SPG11: variants seen among roughly 807,000 people sequenced by gnomAD.
The protein encoded by SPG11 is SPG11 vesicle trafficking associated, spatacsin.
Under a neutral mutation model 274.0 loss-of-function variants are expected in SPG11, and 222 were observed. That is an observed-to-expected ratio of 0.81 (90% CI 0.73 to 0.91). The LOEUF (loss-of-function observed/expected upper bound fraction) is 0.91. Ranked by LOEUF, SPG11 falls within the 40% of genes least tolerant of loss-of-function variation. The pLI, the probability that SPG11 is intolerant of heterozygous loss-of-function variation, is 0.00. For synonymous variants in SPG11, 1,144 were observed against 1,039.7 expected (o/e 1.10, Z -1.93); for missense variants, 3,114 against 2,872.7 (o/e 1.08, Z -1.92).
chr15:44,662,072 C>G (rs1221575225), intron 1 of SPG11, among the ~76,000 whole-genome samples: 4 of 152,176 alleles, frequency 2.6e-5, no homozygotes, highest in Admixed American at 2.6e-4. Flanking sequence ...CCCCATTCCT[C>G]TCTTTACAGA....
At chr15:44,577,823 G>A (rs1378465672) in intron 30 of SPG11, among the ~76,000 whole-genome samples, 1 of 152,088 alleles carries the variant, frequency 6.6e-6, no homozygotes, top group Non-Finnish European at 1.5e-5. Flanking sequence ...TAAGAACTAA[G>A]GGCTGAGGTG....
chr15:44,599,259 A>G (rs1041863691), intron 21 of SPG11, among the ~76,000 whole-genome samples: 1 of 152,204 alleles, frequency 6.6e-6, no homozygotes, highest in Admixed American at 6.5e-5. Flanking sequence ...TTATAGGAAT[A>G]GAAAATTTGG....
intron 30 of SPG11, among the ~76,000 whole-genome samples, chr15:44,579,665 G>A (rs527412737): frequency 1.6e-4 from 24 of 151,716 alleles, no homozygotes; most frequent in African/African-American, 5.8e-4. Context: ...TAATACAAAT[G>A]TTCCAATAAG....
intron 39 of SPG11, 145 bp downstream of exon 39, chr15:44,564,401 TC>T (rs2082267927): frequency 1.3e-6 from 1 of 752,930 alleles, no homozygotes; most frequent in Non-Finnish European, 2.2e-6. Context: ...TTAAAAGACT[TC>T]CTTCTAAGGA....
At position 44,663,383 on chromosome 15, in the gene SPG11, G is replaced by A. The variant is rs769518000; in HGVS notation, c.257+8C>T. ...CCCCCAACGGCCCAACTCTCCCTCA[G>A]CACTTACTGCCAGAAGGGGCCCTCC... On this transcript the variant is annotated splice_region_variant and intron_variant, in intron 1 of 39. Transcript: ENST00000261866. 6 of 1,605,926 alleles carry A rather than the reference G, an allele frequency of 3.7e-6. No individual in the cohort carries two copies. Among genetic ancestry groups the A allele is most frequent in the Non-Finnish European group, 4.2e-6 (5 of 1,176,942 alleles).
Position 44,609,491 on chromosome 15 carries a change from G to A in SPG11, c.3292-886C>T, listed in dbSNP as rs1047067978. On this transcript the variant is annotated intron_variant, in intron 18 of 39. Transcript: ENST00000261866. ...CTCTACTTCTAAAAAGCAAAGATGG[G>A]CACATTTCCACTAGGTCCCTCAATA... Among the ~76,000 whole-genome samples, 4 of 151,972 alleles carry A rather than the reference G, an allele frequency of 2.6e-5. No individual in the cohort carries two copies. The East Asian group carries it at 5.8e-4, about 22-fold the overall frequency.
chr15:44,633,391 C>T, intron 8 of SPG11, 114 bp downstream of exon 8: 1 of 369,954 alleles, frequency 2.7e-6, no homozygotes, highest in Non-Finnish European at 4.6e-6. Context: ...CGTAAAATCC[C>T]ATGACTAAGT....
In SPG11 at chr15:44,589,338, T is replaced by C. The variant is rs2082844140; in HGVS notation, c.4820A>G (p.Lys1607Arg). The C allele has an allele frequency of 4.3e-6, 7 of 1,614,156 alleles. No individual in the cohort carries two copies. Among genetic ancestry groups the C allele is most frequent in the Non-Finnish European group, 8.5e-7 (1 of 1,179,998 alleles). Reference protein sequence around the residue: ...WLEDQVCFLLKLMLQQCKTQY... With the variant: ...WLEDQVCFLLRLMLQQCKTQY... The stretch of plus-strand genomic sequence containing the variant: ...GGTCTTACACTGCTGTAGCATAAGC[T>C]TCAAAAGGAAACACACCTGATCCTC... The change falls in exon 28 of 40, where the codon AAG becomes AGG. Residue 1607 changes from lysine (K) to arginine (R), a missense_variant. Coordinates refer to ENST00000261866, the MANE Select transcript of SPG11 (RefSeq NM_025137.4).
Position 44,615,504 on chromosome 15 carries a change from C to A in SPG11, c.2897G>T (p.Arg966Leu). ...DFECFLLRLS[R>L]IGGVIQDTLP... ...GGTATCCTGTATTACACCTCCAATACGGCTCAGTCTTAGGAGGAAGCATTC... is the reference window on the plus strand; with the variant it reads ...GGTATCCTGTATTACACCTCCAATAAGGCTCAGTCTTAGGAGGAAGCATTC... Residue 966 changes from arginine to leucine, a missense_variant, in exon 16 of 40, where the codon CGT becomes CTT. Physicochemically the swap from Arg to Leu is moderately radical, Grantham distance 102 (BLOSUM62 -2). Transcript: ENST00000261866. 6.2e-7 allele frequency: 1 copy of A among 1,614,058 alleles called. No homozygotes were observed. Among genetic ancestry groups the A allele is most frequent in the Non-Finnish European group, 8.5e-7 (1 of 1,179,974 alleles).
intron 1 of SPG11, among the ~76,000 whole-genome samples, chr15:44,662,359 T>C (rs2085136930): frequency 6.6e-6 from 1 of 151,958 alleles, no homozygotes; most frequent in Non-Finnish European, 1.5e-5. Flanking sequence ...GTTGTGAAAA[T>C]ACTTACTATT....
intron 21 of SPG11, 150 bp downstream of exon 21, chr15:44,600,317 C>T (rs1268189010): frequency 2.6e-6 from 2 of 776,570 alleles, no homozygotes; most frequent in Non-Finnish European, 4.4e-6. Context: ...GGCAGAGCCT[C>T]ACTGTCACCC....
At chr15:44,635,013 C>T (rs184363462) in intron 7 of SPG11, among the ~76,000 whole-genome samples, 9 of 151,450 alleles carry the variant, frequency 5.9e-5, no homozygotes, top group South Asian at 2.1e-4. Flanking sequence ...GTCAGGAGTT[C>T]GAGACCAGCC....
At chr15:44,602,734 G>A (rs982263258) in intron 20 of SPG11, among the ~76,000 whole-genome samples, 2 of 151,782 alleles carry the variant, frequency 1.3e-5, no homozygotes, top group African/African-American at 4.8e-5. Context: ...TACCCACCTC[G>A]GCCTCCCAAA....
chr15:44,649,897 A>T (rs2084715905), intron 6 of SPG11, among the ~76,000 whole-genome samples: 1 of 151,138 alleles, frequency 6.6e-6, no homozygotes, highest in African/African-American at 2.4e-5. Context: ...TCCATATCAA[A>T]AAAAAAAAAA....
Position 44,596,809 on chromosome 15 carries a change from T to G in SPG11, c.4136A>C (p.Gln1379Pro), listed in dbSNP as rs2083054820. ...NDWLQFIIHS[Q>P]LHNYHPAEVK... ...CTCTGCTGGGTGGTAGTTGTGGAGT[T>G]GGCTGTGAATAATGAACTGCAGCCA... The change falls in exon 24 of 40, where the codon CAA (glutamine) becomes CCA (proline). Residue 1379 changes from glutamine (Q) to proline (P), a missense_variant. Coordinates refer to ENST00000261866, the MANE Select transcript of SPG11 (RefSeq NM_025137.4). 6.2e-7 allele frequency: 1 copy of G among 1,613,912 alleles called. No homozygotes were observed. The highest frequency in any genetic ancestry group is 8.5e-7 in the Non-Finnish European group (1 of 1,180,008).
chr15:44,619,588 CTT>C (rs1403827974), intron 15 of SPG11, among the ~76,000 whole-genome samples: 1 of 152,218 alleles, frequency 6.6e-6, no homozygotes, highest in African/African-American at 2.4e-5. Context: ...CATCTCAGCT[CTT>C]GTCACTTGCT....
In SPG11 at chr15:44,663,390, C is replaced by T. The variant is rs1171509531; in HGVS notation, c.257+1G>A. On this transcript the variant is annotated splice_donor_variant, in intron 1 of 39. Coordinates refer to ENST00000261866, the MANE Select transcript of SPG11 (RefSeq NM_025137.4). LOFTEE classifies it high-confidence loss of function. ...CGGCCCAACTCTCCCTCAGCACTTA[C>T]TGCCAGAAGGGGCCCTCCAGGCAGC... The T allele has an allele frequency of 1.2e-6, 2 of 1,607,078 alleles. No individual in the cohort carries two copies. The highest frequency in any genetic ancestry group is 1.1e-5 in the South Asian group (1 of 89,968).
chr15:44,647,858 C>T (rs1567187983), intron 7 of SPG11, among the ~76,000 whole-genome samples: 1 of 152,182 alleles, frequency 6.6e-6, no homozygotes, highest in Non-Finnish European at 1.5e-5. Flanking sequence ...GAATATACCA[C>T]AGGCCATTGA....
intron 21 of SPG11, among the ~76,000 whole-genome samples, chr15:44,599,048 C>T (rs970655842): frequency 3.3e-5 from 5 of 152,168 alleles, no homozygotes; most frequent in Admixed American, 6.6e-5. Context: ...TTCCCTTAAG[C>T]TGACTTTCTA....
Sources: allele counts gnomAD v4.1 joint callset (sites outside exome capture counted in the v4.1 genomes callset), GRCh38; gene constraint gnomAD v4.1.1; transcripts MANE v1.5; gene names NCBI Gene and HGNC (gene_info 2026-07-23, HGNC 2026-07-21).